The following TUNAR variants were observed in gnomAD, a reference collection of about 807,000 sequenced individuals.
TUNAR encodes the protein transmembrane neural differentiation associated intracellular calcium regulator.
At chr14:95,876,748 AC>A (rs1888886332) in intron 1 of TUNAR, 83 bp from the exon 1 acceptor site, 1 of 152,182 alleles carries the variant, frequency 6.6e-6, no homozygotes, top group African/African-American at 2.4e-5. Context: ...CGGGGAGCAG[AC>A]GCGCCGTGGG....
At chr14:95,879,168 G>A (rs926741817) in intron 2 of TUNAR, among the ~76,000 whole-genome samples, 3 of 152,176 alleles carry the variant, frequency 2.0e-5, no homozygotes, top group South Asian at 2.1e-4. Context: ...CCTATGGGTC[G>A]TTAATGGGGT....
chr14:95,911,641 C>T (rs550262129), intron 2 of TUNAR, among the ~76,000 whole-genome samples: 112 of 152,296 alleles, frequency 7.4e-4, no homozygotes, highest in South Asian at 1.9e-3. Flanking sequence ...GAACCTTCCC[C>T]GCTCCAAAAT....
At chr14:95,917,759 T>A (rs557816922) in intron 2 of TUNAR, among the ~76,000 whole-genome samples, 1 of 152,268 alleles carries the variant, frequency 6.6e-6, no homozygotes, top group Non-Finnish European at 1.5e-5. Context: ...TTTCAGATAC[T>A]ATCACAAATA....
intron 2 of TUNAR, among the ~76,000 whole-genome samples, chr14:95,894,796 G>A (rs1889234068): frequency 6.6e-6 from 1 of 152,206 alleles, no homozygotes; most frequent in African/African-American, 2.4e-5. Context: ...TTTAAGCAAG[G>A]GTCAGATGGG....
At chr14:95,909,464 T>C (rs1257434450) in intron 2 of TUNAR, among the ~76,000 whole-genome samples, 1 of 152,038 alleles carries the variant, frequency 6.6e-6, no homozygotes, top group Non-Finnish European at 1.5e-5. Context: ...TTTGTATTTT[T>C]AGTAGAGACG....
At chr14:95,876,743 A>C (rs1182637082) in intron 1 of TUNAR, 89 bp from the exon 1 acceptor site, 1 of 152,190 alleles carries the variant, frequency 6.6e-6, no homozygotes, top group Non-Finnish European at 1.5e-5. Flanking sequence ...CAGCGCGGGG[A>C]GCAGACGCGC....
At chr14:95,914,273 C>CAG (rs1207878277) in intron 2 of TUNAR, among the ~76,000 whole-genome samples, 1 of 152,190 alleles carries the variant, frequency 6.6e-6, no homozygotes, top group Non-Finnish European at 1.5e-5. Context: ...GCAAACTCAA[C>CAG]AGATTGGCAC....
chr14:95,919,323 G>A (rs758548907), intron 2 of TUNAR, among the ~76,000 whole-genome samples: 17 of 152,238 alleles, frequency 1.1e-4, no homozygotes, highest in East Asian at 1.9e-4. Context: ...GGAAATGCAC[G>A]TGTGAATTTT....
intron 2 of TUNAR, among the ~76,000 whole-genome samples, chr14:95,907,646 T>G (rs1889447825): frequency 6.6e-6 from 1 of 152,196 alleles, no homozygotes; most frequent in African/African-American, 2.4e-5. Context: ...AGAGGAGATC[T>G]GCAATGGGTA....
At chr14:95,883,724 C>CCG (rs951742672) in intron 2 of TUNAR, among the ~76,000 whole-genome samples, 2 of 152,080 alleles carry the variant, frequency 1.3e-5, no homozygotes, top group Non-Finnish European at 2.9e-5. Flanking sequence ...GCCAAGCCAC[C>CCG]CCCCCGCCGC....
intron 2 of TUNAR, among the ~76,000 whole-genome samples, chr14:95,921,346 G>A (rs1222201379): frequency 1.3e-5 from 2 of 152,162 alleles, no homozygotes; most frequent in Non-Finnish European, 2.9e-5. Flanking sequence ...GCCCTCCAGT[G>A]GAAGAAATGT....
chr14:95,923,388 GC>G (rs1366899066), exon 3 of TUNAR: 2 of 156,062 alleles, frequency 1.3e-5, no homozygotes, highest in African/African-American at 4.8e-5. Flanking sequence ...CACTTGACGA[GC>G]TATTTAGTGG....
At chr14:95,907,449 G>C (rs560318668) in intron 2 of TUNAR, among the ~76,000 whole-genome samples, 9 of 152,324 alleles carry the variant, frequency 5.9e-5, no homozygotes, top group Admixed American at 5.9e-4. Flanking sequence ...TAAGCATAAG[G>C]GGCAAGGTGG....
intron 2 of TUNAR, among the ~76,000 whole-genome samples, 180 bp from the exon 2 acceptor site, chr14:95,922,601 T>C (rs1185246031): frequency 2.0e-5 from 3 of 152,176 alleles, no homozygotes; most frequent in Non-Finnish European, 4.4e-5. Flanking sequence ...CAATTAGCCG[T>C]GTTCTGCCTT....
intron 2 of TUNAR, among the ~76,000 whole-genome samples, chr14:95,921,454 T>C (rs1889695850): frequency 6.6e-6 from 1 of 152,164 alleles, no homozygotes; most frequent in African/African-American, 2.4e-5. Context: ...GGACCAGCAA[T>C]TGGTAGAAAA....
intron 2 of TUNAR, among the ~76,000 whole-genome samples, chr14:95,922,203 T>G (rs748455468): frequency 1.6e-4 from 25 of 152,248 alleles, no homozygotes; most frequent in Non-Finnish European, 3.5e-4. Flanking sequence ...TACCAGGGAT[T>G]ATGAGAATTT....
intron 2 of TUNAR, among the ~76,000 whole-genome samples, chr14:95,918,724 G>C (rs1448620969): frequency 6.6e-6 from 1 of 152,176 alleles, no homozygotes; most frequent in East Asian, 1.9e-4. Context: ...GTTAATTCAG[G>C]GAAGAGGCTA....
At chr14:95,918,426 G>A (rs1033364251) in intron 2 of TUNAR, among the ~76,000 whole-genome samples, 1 of 152,120 alleles carries the variant, frequency 6.6e-6, no homozygotes, top group Non-Finnish European at 1.5e-5. Context: ...CCAGACCCTG[G>A]CCAGACAACT....
At chr14:95,903,042 C>G (rs1485330568) in intron 2 of TUNAR, among the ~76,000 whole-genome samples, 1 of 152,100 alleles carries the variant, frequency 6.6e-6, no homozygotes, top group East Asian at 1.9e-4. Flanking sequence ...ATCCATACAA[C>G]AGTAATCAGG....
Sources: gnomAD v4.1 joint callset for allele counts (sites outside exome capture counted in the v4.1 genomes callset) on GRCh38, gnomAD v4.1.1 for gene constraint, MANE v1.5 for transcripts, NCBI Gene and HGNC (gene_info 2026-07-23, HGNC 2026-07-21) for gene names.